The following DNAH6 variants were observed in gnomAD, a reference collection of about 807,000 sequenced individuals.
DNAH6 encodes the protein dynein axonemal heavy chain 6.
In DNAH6, 340 loss-of-function variants were observed where a neutral mutation model predicts 491.4. The ratio of observed to expected loss-of-function variants is 0.69; its 90% CI spans 0.63 to 0.76. DNAH6 has a LOEUF of 0.76. DNAH6 is among the 30% of genes least tolerant of loss of function. The pLI, the probability that DNAH6 is intolerant of heterozygous loss-of-function variation, is 0.00. For synonymous variants in DNAH6, 1,603 were observed against 1,686.1 expected, an observed-to-expected ratio of 0.95 and a Z score of 1.21; for missense variants, 4,443 against 4,972.2, an observed-to-expected ratio of 0.89 and a Z score of 3.20.
intron 31 of DNAH6, among the ~76,000 whole-genome samples, chr2:84,640,069 A>G (rs1689243953): frequency 6.6e-6 from 1 of 152,182 alleles, no homozygotes; most frequent in Non-Finnish European, 1.5e-5. Flanking sequence ...TTCCTGTCAG[A>G]TCAGAGAAGC....
At chr2:84,468,355 G>A in the DNAH6 span, among the ~76,000 whole-genome samples, 1 of 152,184 alleles carries the variant, frequency 6.6e-6, no homozygotes, top group Non-Finnish European at 1.5e-5. Flanking sequence ...GCTTTAGGGT[G>A]GAGCCCTTGG....
chr2:84,577,282 G>A lies in DNAH6; in HGVS notation c.1950G>A (p.Leu650=). The change falls in exon 13 of 77, where the codon CTG becomes CTA. Residue 650 remains leucine, a synonymous_variant. Transcript: ENST00000389394. The stretch of plus-strand genomic sequence containing the variant: ...ATATTAACTTTTTTAGTGAACAACT[G>A]GAAAAATATCACAAACAGCACAAGG... ...EPDINFFSEQ[L]EKYHKQHKDA... 6.3e-7 allele frequency: 1 copy of A among 1,586,724 alleles called. No homozygotes were observed.
At chr2:84,657,288 T>A (rs1047958688) in intron 35 of DNAH6, among the ~76,000 whole-genome samples, 2 of 152,028 alleles carry the variant, frequency 1.3e-5, no homozygotes, top group Non-Finnish European at 2.9e-5. Context: ...TTGTTCTTTT[T>A]TGTTGTGTTG....
rs1162541312 is a variant in DNAH6 at position 84,753,755 on chromosome 2, T to TAAAAAAAAAAAAAAA, written c.10512+8516_10512+8530dup. Among the ~76,000 whole-genome samples, 46 of 77,120 alleles carry TAAAAAAAAAAAAAAA rather than the reference T, an allele frequency of 6.0e-4. 1 individual carries two copies. The highest frequency in any genetic ancestry group is 8.3e-4 in the East Asian group (2 of 2,418). 50.6% of individuals were successfully genotyped at this position (77,120 alleles called of 152,430 possible). A position where few individuals can be genotyped will look rare whatever the true frequency, so the allele number is the denominator to read the frequency against. On this transcript the variant is annotated intron_variant, in intron 63 of 76. Coordinates refer to ENST00000389394, the MANE Select transcript of DNAH6 (RefSeq NM_001370.2). ...CTGGGCAACAGGAGTGAAACTCTGT[T>TAAAAAAAAAAAAAAA]AAAAAAAAAAAAAAAAAAAAAAAAG...
chr2:84,746,357 G>A (rs1672981116), intron 63 of DNAH6, among the ~76,000 whole-genome samples: 1 of 152,108 alleles, frequency 6.6e-6, no homozygotes, highest in Admixed American at 6.5e-5. Flanking sequence ...AGGAGCCCAT[G>A]AGAAGAAATA....
chr2:84,730,895 AC>A (rs1377798842), intron 61 of DNAH6, among the ~76,000 whole-genome samples: 4 of 152,220 alleles, frequency 2.6e-5, no homozygotes, highest in African/African-American at 9.6e-5. Context: ...ATGAACGTTA[AC>A]TAATCTAAGA....
chr2:84,677,178 G>A (rs1027262887), intron 41 of DNAH6, 42 bp downstream of exon 41: 6 of 1,550,470 alleles, frequency 3.9e-6, no homozygotes, highest in Non-Finnish European at 5.2e-6. Context: ...GGAAAAGAAA[G>A]CATATTTGTT....
intron 29 of DNAH6, among the ~76,000 whole-genome samples, chr2:84,627,584 AT>A (rs1422168432): frequency 6.6e-6 from 1 of 151,926 alleles, no homozygotes; most frequent in African/African-American, 2.4e-5. Context: ...AGCTTATAGG[AT>A]TTTCTCTTGA....
intron 64 of DNAH6, among the ~76,000 whole-genome samples, chr2:84,768,341 A>G (rs1675286251): frequency 6.6e-6 from 1 of 152,014 alleles, no homozygotes; most frequent in Admixed American, 6.6e-5. Flanking sequence ...TCCTGCTGAA[A>G]CTGATTAAAT....
intron 18 of DNAH6, among the ~76,000 whole-genome samples, chr2:84,598,159 C>CTTTCTCTCTTTCT (rs1553438086): frequency 2.8e-5 from 2 of 71,108 alleles, no homozygotes; most frequent in African/African-American, 6.7e-5. Context: ...TTCTTTCTTT[C>CTTTCTCTCTTTCT]TTTCTTTCTT....
chr2:84,713,359 C>G (rs2104885813), intron 57 of DNAH6, 100 bp downstream of exon 57: 2 of 1,168,962 alleles, frequency 1.7e-6, no homozygotes, highest in East Asian at 5.1e-5. Flanking sequence ...AAAGTGCTCC[C>G]CCATTCTCCC....
chr2:84,590,522 A>G (rs1172605480), intron 16 of DNAH6, among the ~76,000 whole-genome samples: 2 of 140,528 alleles, frequency 1.4e-5, no homozygotes, highest in East Asian at 4.2e-4. Context: ...AAAAAAAGCT[A>G]CAACTCACAT....
At chr2:84,507,946 A>T in the DNAH6 span, among the ~76,000 whole-genome samples, 1 of 152,144 alleles carries the variant, frequency 6.6e-6, no homozygotes, top group Non-Finnish European at 1.5e-5. Flanking sequence ...AAGCTTTTTG[A>T]TGTGCTGCTG....
chr2:84,690,938 CGGG>C (rs1188755547), intron 45 of DNAH6, among the ~76,000 whole-genome samples: 1 of 152,104 alleles, frequency 6.6e-6, no homozygotes, highest in Non-Finnish European at 1.5e-5. Flanking sequence ...TCTTTTAACT[CGGG>C]GGGAAAAATT....
intron 43 of DNAH6, 108 bp from the exon 44 acceptor site, chr2:84,686,376 A>G (rs1029501156): frequency 3.2e-5 from 21 of 664,430 alleles, no homozygotes; most frequent in Non-Finnish European, 1.8e-5. Context: ...ATGTATATTA[A>G]TTAAGTCTTC....
At chr2:84,611,300 T>C (rs961573425) in intron 21 of DNAH6, among the ~76,000 whole-genome samples, 2 of 152,000 alleles carry the variant, frequency 1.3e-5, no homozygotes, top group African/African-American at 4.8e-5. Context: ...AGAAACAAAC[T>C]TTTTTTTCGT....
rs533938993 is a variant in DNAH6 at position 84,614,515 on chromosome 2, A to G, written c.3476-2371A>G. Among the ~76,000 whole-genome samples, 26 of 152,210 alleles carry G rather than the reference A, an allele frequency of 1.7e-4. 1 individual carries two copies. The South Asian group carries it at 4.8e-3, about 28-fold the overall frequency. On this transcript the variant is annotated intron_variant, in intron 22 of 76. Coordinates refer to ENST00000389394, the MANE Select transcript of DNAH6 (RefSeq NM_001370.2). ...AACTACGTGTGCAAGAATCTTTTTT[A>G]TATAATGACTTCTTTTCTTCTGGGT... is the stretch of plus-strand genomic sequence containing the variant.
At chr2:84,662,610 C>T (rs879891537) in intron 37 of DNAH6, among the ~76,000 whole-genome samples, 4 of 152,218 alleles carry the variant, frequency 2.6e-5, no homozygotes, top group Admixed American at 2.6e-4. Flanking sequence ...CCAGAAAGCT[C>T]AAACTGGGTG....
chr2:84,535,573 C>G (rs137910399), intron 4 of DNAH6, among the ~76,000 whole-genome samples: 38 of 151,480 alleles, frequency 2.5e-4, no homozygotes, highest in African/African-American at 8.5e-4. Flanking sequence ...GCTCAAGAAG[C>G]TAGGAGTGCA....
Sources: allele counts gnomAD v4.1 joint callset (sites outside exome capture counted in the v4.1 genomes callset), GRCh38; gene constraint gnomAD v4.1.1; transcripts MANE v1.5; gene names NCBI Gene and HGNC (gene_info 2026-07-23, HGNC 2026-07-21).